The following FAM135A variants were observed in gnomAD, a reference collection of about 807,000 sequenced individuals.
FAM135A encodes the protein family with sequence similarity 135 member A.
Under a neutral mutation model 146.8 loss-of-function variants are expected in FAM135A, and 79 were observed. The observed-to-expected ratio is 0.54, with a 90% CI of 0.45 to 0.65. The LOEUF is 0.65. FAM135A is among the 30% of genes least tolerant of loss of function. The probability of loss-of-function intolerance (pLI) is 0.00; values close to 1 mark genes in which losing one functional copy is unlikely to be tolerated. For synonymous variants in FAM135A, 562 were observed against 603.6 expected, an observed-to-expected ratio of 0.93 and a Z score of 1.01; for missense variants, 1,623 against 1,758.2, an observed-to-expected ratio of 0.92 and a Z score of 1.38.
intron 21 of FAM135A, chr6:70,557,189 C>T (rs1432413999): frequency 2.2e-5 from 9 of 401,032 alleles, no homozygotes; most frequent in Admixed American, 4.2e-5. Flanking sequence ...CTCGCTTTTA[C>T]GCAAAGGTGG....
At chr6:70,464,146 G>A (rs545906123) in intron 5 of FAM135A, among the ~76,000 whole-genome samples, 2 of 152,282 alleles carry the variant, frequency 1.3e-5, no homozygotes, top group Non-Finnish European at 2.9e-5. Flanking sequence ...AAAGATACCA[G>A]TGCTAACTTT....
In FAM135A at chr6:70,522,497, C is replaced by A. The variant is rs748081977; in HGVS notation, c.1030-16C>A. 1.2e-6 allele frequency: 2 copies of A among 1,611,930 alleles called. No homozygotes were observed. The highest frequency in any genetic ancestry group is 2.2e-5 in the South Asian group (2 of 90,846). On this transcript the variant is annotated splice_polypyrimidine_tract_variant and intron_variant, in intron 12 of 21. Transcript: ENST00000418814. ...AATACGTCATGTTATTAATACTCTC[C>A]TTTGGAATTTTTTAGGTACGCAGAT...
chr6:70,555,677 G>A (rs1405212987), intron 20 of FAM135A, among the ~76,000 whole-genome samples: 6 of 152,064 alleles, frequency 3.9e-5, no homozygotes, highest in Non-Finnish European at 8.8e-5. Context: ...AAGTAGTACT[G>A]ATAATGATGA....
At chr6:70,442,238 G>GTTTTTT (rs147268217) in intron 4 of FAM135A, among the ~76,000 whole-genome samples, 7 of 136,408 alleles carry the variant, frequency 5.1e-5, no homozygotes, top group African/African-American at 1.7e-4. Context: ...TTTCTTCATG[G>GTTTTTT]GTTTTTTTTT....
chr6:70,498,267 T>A (rs575095771), intron 11 of FAM135A, among the ~76,000 whole-genome samples: 402 of 152,310 alleles, frequency 2.6e-3, no homozygotes, highest in Non-Finnish European at 2.7e-3. Flanking sequence ...TGTGTAGAGG[T>A]GTTGATAGTA....
At chr6:70,536,703 GTT>G (rs1026272536) in intron 19 of FAM135A, among the ~76,000 whole-genome samples, 4 of 151,738 alleles carry the variant, frequency 2.6e-5, no homozygotes, top group African/African-American at 9.7e-5. Context: ...CTTATAAACA[GTT>G]TTGTCATCCC....
rs926645384 is a variant in FAM135A at position 70,428,287 on chromosome 6, CCCTTT to C, written c.-39-12_-39-8del. On this transcript the variant is annotated splice_polypyrimidine_tract_variant and intron_variant, in intron 3 of 21. Coordinates refer to ENST00000418814, the MANE Select transcript of FAM135A (RefSeq NM_001162529.3). ...TTTGTTACGCTTCTCATGATTTTTT[CCCTTT>C]CCTTAACAAAGGTGCTGTTATCAGA... is the stretch of plus-strand genomic sequence containing the variant. The C allele has an allele frequency of 2.4e-6, 3 of 1,253,674 alleles. No homozygotes were observed. The highest frequency in any genetic ancestry group is 3.1e-5 in the African/African-American group (2 of 65,100). 77.7% of individuals were successfully genotyped at this position (1,253,674 alleles called of 1,614,324 possible).
chr6:70,526,409 G>C lies in FAM135A; in HGVS notation c.3325G>C (p.Asp1109His), dbSNP rs779890855. ...TGAAGAAACAGATTATTCAGCTTTG[G>C]ATGGAACAATAAATGCTCACTATAC... ...YYEETDYSAL[D>H]GTINAHYTSR... Residue 1109 changes from aspartate to histidine, a missense_variant, in exon 15 of 22, where the codon GAT (aspartate) becomes CAT (histidine). Asp to His is a moderately conservative substitution (Grantham distance 81, BLOSUM62 -1). Around this residue, in one of 7 missense-constraint regions of FAM135A, gnomAD observed 1,061 missense variants for 1,113.8 expected, o/e 0.95. Transcript: ENST00000418814. 1.2e-6 allele frequency: 2 copies of C among 1,613,472 alleles called. No individual in the cohort carries two copies. Among genetic ancestry groups the C allele is most frequent in the South Asian group, 1.1e-5 (1 of 91,056 alleles).
At chr6:70,436,911 G>T (rs1773297792) in intron 4 of FAM135A, among the ~76,000 whole-genome samples, 1 of 152,088 alleles carries the variant, frequency 6.6e-6, no homozygotes, top group Admixed American at 6.6e-5. Flanking sequence ...AACCAAAAAA[G>T]ATTTAGTATT....
chr6:70,467,427 C>T (rs571354953), intron 5 of FAM135A, among the ~76,000 whole-genome samples: 16 of 151,912 alleles, frequency 1.1e-4, no homozygotes, highest in African/African-American at 3.4e-4. Context: ...AATGCTGTAC[C>T]TTGGGTCTTT....
chr6:70,542,774 A>G (rs1798173544), intron 20 of FAM135A, among the ~76,000 whole-genome samples: 3 of 152,184 alleles, frequency 2.0e-5, no homozygotes, highest in Admixed American at 2.0e-4. Context: ...ATATGTCTAA[A>G]ACTGTATGTC....
intron 11 of FAM135A, among the ~76,000 whole-genome samples, chr6:70,494,400 TG>T (rs1407017567): frequency 6.6e-6 from 1 of 151,134 alleles, no homozygotes; most frequent in Non-Finnish European, 1.5e-5. Context: ...GAGACTGAGG[TG>T]GGAGTACTGC....
At position 70,480,957 on chromosome 6, in the gene FAM135A, A is replaced by G. The variant is rs911269825; in HGVS notation, c.599A>G (p.Lys200Arg). ...AATAGAAATGCACCAGCACAAAACA[A>G]AGATTCCGTGATTCCTACTCTTGAA... The part of the protein sequence containing the change: ...WLNRNAPAQN[K>R]DSVIPTLESV... The change falls in exon 9 of 22, where the codon AAA (lysine) becomes AGA (arginine). Residue 200 changes from lysine (K) to arginine (R), a missense_variant. Physicochemically the swap from Lys to Arg is conservative, Grantham distance 26 (BLOSUM62 2). Transcript: ENST00000418814. 1 of 1,612,824 alleles carries G rather than the reference A, an allele frequency of 6.2e-7. No homozygotes were observed. The highest frequency in any genetic ancestry group is 1.7e-5 in the Admixed American group (1 of 59,896).
chr6:70,440,837 C>CAA (rs966673354), intron 4 of FAM135A, among the ~76,000 whole-genome samples: 1 of 149,764 alleles, frequency 6.7e-6, no homozygotes, highest in Non-Finnish European at 1.5e-5. Context: ...AAAGCTGTCT[C>CAA]AAAAAAAAAT....
At chr6:70,520,033 A>G (rs1489194037) in intron 12 of FAM135A, among the ~76,000 whole-genome samples, 1 of 152,016 alleles carries the variant, frequency 6.6e-6, no homozygotes, top group Non-Finnish European at 1.5e-5. Context: ...TCAAGTATTA[A>G]TTTTTTATTT....
chr6:70,464,667 C>CTTTTTTTTTTTTTTTTTTTTCT (rs533623758), intron 5 of FAM135A, among the ~76,000 whole-genome samples: 1 of 99,382 alleles, frequency 1.0e-5, no homozygotes, highest in Non-Finnish European at 2.1e-5. Flanking sequence ...TCTTTTTTTT[C>CTTTTTTTTTTTTTTTTTTTTCT]TTTTTTTTTT....
intron 4 of FAM135A, among the ~76,000 whole-genome samples, chr6:70,452,038 A>C (rs950621611): frequency 3.9e-5 from 6 of 151,968 alleles, no homozygotes; most frequent in African/African-American, 1.5e-4. Context: ...GAAAAAAAAA[A>C]CAATTCTTTA....
intron 12 of FAM135A, chr6:70,503,827 TTG>T (rs1789123995): frequency 6.6e-6 from 1 of 152,240 alleles, no homozygotes; most frequent in African/African-American, 2.4e-5. Flanking sequence ...TACCTGTAGA[TTG>T]TTCATTATCA....
chr6:70,548,749 T>C (rs1023746461), intron 20 of FAM135A, among the ~76,000 whole-genome samples: 7 of 152,156 alleles, frequency 4.6e-5, no homozygotes, highest in African/African-American at 1.7e-4. Context: ...GAAGTTTTAA[T>C]GATCATGTAA....
Sources: gnomAD v4.1 joint callset for allele counts (sites outside exome capture counted in the v4.1 genomes callset) on GRCh38, gnomAD v4.1.1 for gene constraint, gnomAD v4.1.1 regional missense constraint, MANE v1.5 for transcripts, NCBI Gene and HGNC (gene_info 2026-07-23, HGNC 2026-07-21) for gene names.